Variants in DNAH5 observed in about 807,000 individuals in gnomAD.
DNAH5 encodes dynein axonemal heavy chain 5, also known as axonemal beta dynein heavy chain 5.
DNAH5 carries 372 observed loss-of-function variants against 518.2 expected under a neutral mutation model. The observed-to-expected ratio is 0.72, with a 90% CI of 0.66 to 0.78. DNAH5 has a LOEUF of 0.78. Among genes scored for constraint, DNAH5 ranks in the 30% least tolerant of loss-of-function variants. DNAH5 has a pLI of 0.00. For synonymous variants in DNAH5, 2,039 were observed against 2,025.9 expected, an observed-to-expected ratio of 1.01 and a Z score of -0.17; for missense variants, 5,523 against 5,687.0, an observed-to-expected ratio of 0.97 and a Z score of 0.93.
At chr5:13,747,322 T>C (rs1345599455) in intron 65 of DNAH5, among the ~76,000 whole-genome samples, 2 of 152,220 alleles carry the variant, frequency 1.3e-5, no homozygotes, top group Admixed American at 6.5e-5. Flanking sequence ...AAGTCTTTGC[T>C]ATTGTGAATA....
In DNAH5 at chr5:13,829,572, C is replaced by A; in HGVS notation, c.6382G>T (p.Val2128Phe). The A allele has an allele frequency of 1.2e-6, 2 of 1,614,114 alleles. No individual in the cohort carries two copies. Among genetic ancestry groups the A allele is most frequent in the South Asian group, 2.2e-5 (2 of 91,086 alleles). ...KLASCGFIDN[V>F]VLARKFFTLY... is the part of the protein sequence containing the mutation. ...GTGAAAAACTTCCTGGCCAAAACAA[C>A]GTTGTCAATGAAGCCACAACTAGCC... is the stretch of plus-strand genomic sequence containing the variant. The change falls in exon 38 of 79, where the codon GTT (valine) becomes TTT (phenylalanine). Residue 2128 changes from valine (V) to phenylalanine (F), a missense_variant. Physicochemically the swap from Val to Phe is conservative, Grantham distance 50. This residue lies in a region of DNAH5 where 5,121 missense variants were observed against 5,223.3 expected (regional missense o/e 0.98). Transcript: ENST00000265104.
At position 13,841,080 on chromosome 5, in the gene DNAH5, G is replaced by A. The variant is rs771695030; in HGVS notation, c.5535C>T (p.Ala1845=). 6.2e-7 allele frequency: 1 copy of A among 1,613,936 alleles called. No homozygotes were observed. The highest frequency in any genetic ancestry group is 8.5e-7 in the Non-Finnish European group (1 of 1,179,984). The change falls in exon 34 of 79, where the codon GCC becomes GCT. Residue 1845 remains alanine (A), a synonymous_variant. Transcript: ENST00000265104. ...QMIWTRDSEE[A]LRNAKFDKKI... ...TTTTATCAAACTTGGCATTTCTAAG[G>A]GCTTCTTCTGAATCCCGTGTCCATA...
Position 13,824,353 on chromosome 5 carries a change from T to C in DNAH5, c.6445-20A>G, listed in dbSNP as rs181135242. 6.7e-4 allele frequency: 1,086 copies of C among 1,613,546 alleles called. 2 individuals are homozygous for C. The highest frequency in any genetic ancestry group is 6.8e-4 in the Non-Finnish European group (801 of 1,179,574). On this transcript the variant is annotated intron_variant, in intron 38 of 78. Transcript: ENST00000265104. ...ATGAACCTAGAGAATGTGAGATACA[T>C]TGGGCTTATTTTCAACATTAAAATA...
At chr5:13,921,880 C>T (rs1777340512) in intron 5 of DNAH5, among the ~76,000 whole-genome samples, 1 of 152,122 alleles carries the variant, frequency 6.6e-6, no homozygotes, top group African/African-American at 2.4e-5. Context: ...CCCTACAACA[C>T]TGCCAACGTT....
At chr5:13,981,925 A>G (rs1046357049) in intron 1 of DNAH5, among the ~76,000 whole-genome samples, 7 of 152,256 alleles carry the variant, frequency 4.6e-5, no homozygotes, top group Non-Finnish European at 8.8e-5. Flanking sequence ...TCTAATCATA[A>G]CTGAAACACA....
At chr5:13,936,375 A>G (rs2152017486) in intron 1 of DNAH5, among the ~76,000 whole-genome samples, 1 of 152,330 alleles carries the variant, frequency 6.6e-6, no homozygotes, top group South Asian at 2.1e-4. Flanking sequence ...CAAAAAGCTC[A>G]GTGACTGTCT....
chr5:13,827,746 T>G (rs970026957), intron 38 of DNAH5, among the ~76,000 whole-genome samples: 1 of 151,910 alleles, frequency 6.6e-6, no homozygotes, highest in African/African-American at 2.4e-5. Context: ...CATCCCGAAG[T>G]GTAGTTCCAT....
intron 51 of DNAH5, 117 bp downstream of exon 51, chr5:13,788,599 G>A: frequency 2.4e-6 from 2 of 844,034 alleles, no homozygotes; most frequent in East Asian, 2.5e-5. Flanking sequence ...TCTCAGGCTT[G>A]TATCAATAAA....
At chr5:13,761,216 G>A (rs567957196) in intron 60 of DNAH5, among the ~76,000 whole-genome samples, 1 of 152,264 alleles carries the variant, frequency 6.6e-6, no homozygotes, top group South Asian at 2.1e-4. Context: ...GAATGTCCAT[G>A]TTTAACAATT....
chr5:13,756,335 C>T (rs998169605), intron 61 of DNAH5, among the ~76,000 whole-genome samples: 15 of 129,582 alleles, frequency 1.2e-4, no homozygotes, highest in Admixed American at 1.1e-3. Context: ...TGTAGGTATG[C>T]CCAGATTTTT....
In DNAH5 at chr5:14,009,151, G is replaced by A. The variant is rs190521798; in HGVS notation, c.12+2497C>T. Among the ~76,000 whole-genome samples the A allele has an allele frequency of 2.6e-4, 40 of 152,294 alleles. No homozygotes were observed. The East Asian group carries it at 7.7e-3, about 29-fold the overall frequency. On this transcript the variant is annotated intron_variant, in intron 1 of 78. Coordinates refer to the DNAH5 transcript ENST00000681290. Reference sequence around the variant, plus strand: ...TTTTTGTCTGTTTGTTAAAAGAAAGGCCATAAGAAGCAAAGCCAAATGCAA... The same window carrying A: ...TTTTTGTCTGTTTGTTAAAAGAAAGACCATAAGAAGCAAAGCCAAATGCAA...
Position 13,764,161 on chromosome 5 carries a change from T to C in DNAH5, c.10102-1260A>G, listed in dbSNP as rs543557313. 1.1e-3 allele frequency among the ~76,000 whole-genome samples: 167 copies of C among 152,182 alleles called. 2 individuals carry two copies. The highest frequency in any genetic ancestry group is 3.6e-3 in the African/African-American group (151 of 41,516). Reference sequence around the variant, plus strand: ...GATTTGAACATGAAAGAAAAGACAATAAAGCTTCCAGAAGAAAACTAGAAA... The same window carrying C: ...GATTTGAACATGAAAGAAAAGACAACAAAGCTTCCAGAAGAAAACTAGAAA... On this transcript the variant is annotated intron_variant, in intron 59 of 78. Coordinates refer to ENST00000265104, the MANE Select transcript of DNAH5 (RefSeq NM_001369.3).
chr5:13,921,340 C>T lies in DNAH5; in HGVS notation c.661-723G>A, dbSNP rs1393850073. ...GCAGAGTGTCACACTGTCATCATTA[C>T]CATAGGATCCATTTCCCTACCTGCC... On this transcript the variant is annotated intron_variant, in intron 5 of 78. Coordinates refer to ENST00000265104, the MANE Select transcript of DNAH5 (RefSeq NM_001369.3). Among the ~76,000 whole-genome samples the T allele has an allele frequency of 2.0e-5, 3 of 151,964 alleles. No homozygotes were observed. The East Asian group carries it at 5.8e-4, about 29-fold the overall frequency.
At chr5:13,832,597 T>G (rs1763819129) in intron 35 of DNAH5, among the ~76,000 whole-genome samples, 1 of 152,236 alleles carries the variant, frequency 6.6e-6, no homozygotes, top group South Asian at 2.1e-4. Context: ...TTGCCTGTGG[T>G]CAACTCCATT....
intron 70 of DNAH5, 99 bp from the exon 71 acceptor site, chr5:13,721,344 T>C: frequency 2.1e-6 from 3 of 1,440,978 alleles, no homozygotes; most frequent in Non-Finnish European, 1.9e-6. Flanking sequence ...ATTATCTCAG[T>C]GATGTCCACA....
intron 22 of DNAH5, among the ~76,000 whole-genome samples, chr5:13,875,635 C>T (rs1310782099): frequency 6.6e-6 from 1 of 151,996 alleles, no homozygotes; most frequent in African/African-American, 2.4e-5. Context: ...AATACTGAGA[C>T]ACTTGAAAAT....
rs201165908 is a variant in DNAH5, at chr5:13,862,731, G to A, written c.4613C>T (p.Ala1538Val). Residue 1538 changes from alanine (A) to valine (V), a missense_variant, in exon 29 of 79, where the codon GCG (alanine) becomes GTG (valine). Physicochemically the swap from Ala to Val is moderately conservative, Grantham distance 64 (BLOSUM62 0). Transcript: ENST00000265104. ...KEEIEDICIS[A>V]VKERDIEQKL... ...TTGCTCAATGTCTCTCTCTTTCACC[G>A]CACTGATACAGATGTCCTATCAAAA... 44 of 1,613,082 alleles carry A rather than the reference G, an allele frequency of 2.7e-5. No homozygotes were observed. The highest frequency in any genetic ancestry group is 3.3e-5 in the Admixed American group (2 of 59,962).
intron 72 of DNAH5, among the ~76,000 whole-genome samples, chr5:13,718,651 C>CT (rs2126516134): frequency 6.6e-6 from 1 of 152,232 alleles, no homozygotes; most frequent in Non-Finnish European, 1.5e-5. Flanking sequence ...ACAGCATGGG[C>CT]TTAAATAGGG....
chr5:13,790,645 C>T (rs182317335), intron 50 of DNAH5, among the ~76,000 whole-genome samples: 10 of 152,278 alleles, frequency 6.6e-5, no homozygotes, highest in African/African-American at 1.7e-4. Flanking sequence ...TCCCCTTTTG[C>T]TCCACACTTC....
Sources: allele counts gnomAD v4.1 joint callset (sites outside exome capture counted in the v4.1 genomes callset), GRCh38; gene constraint gnomAD v4.1.1; regional missense constraint gnomAD v4.1.1; transcripts MANE v1.5; gene names NCBI Gene and HGNC (gene_info 2026-07-23, HGNC 2026-07-21).